CHSY3: variants seen among roughly 807,000 people sequenced by gnomAD.
CHSY3 encodes the protein chondroitin sulfate synthase 3, also known as N-acetylgalactosaminyl-proteoglycan 3-beta-glucuronosyltransferase 3.
CHSY3 carries 35 observed loss-of-function variants against 67.2 expected under a neutral mutation model. The observed-to-expected ratio is 0.52, with a 90% CI of 0.40 to 0.69. CHSY3 has a LOEUF of 0.69. Among genes scored for constraint, CHSY3 ranks in the 30% least tolerant of loss-of-function variants. The pLI is 0.00. For missense variants in CHSY3, 1,069 were observed against 1,138.5 expected, an observed-to-expected ratio of 0.94 and a Z score of 0.88; for synonymous variants, 474 against 434.7, an observed-to-expected ratio of 1.09 and a Z score of -1.12.
chr5:129,983,020 A>G (rs978965615), intron 2 of CHSY3, among the ~76,000 whole-genome samples: 28 of 152,232 alleles, frequency 1.8e-4, no homozygotes, highest in African/African-American at 6.7e-4. Context: ...ATATTTTATA[A>G]TTAAGCTAAC....
At chr5:130,089,063 T>C (rs1200947936) in intron 2 of CHSY3, among the ~76,000 whole-genome samples, 1 of 151,896 alleles carries the variant, frequency 6.6e-6, no homozygotes, top group Non-Finnish European at 1.5e-5. Context: ...TGAGCTCATG[T>C]CCTTTGTAGG....
chr5:130,124,016 G>C (rs530764162), intron 2 of CHSY3, among the ~76,000 whole-genome samples: 1 of 134,274 alleles, frequency 7.4e-6, no homozygotes, highest in South Asian at 2.6e-4. Context: ...CTCCAGCCTG[G>C]GTGACAGAGC....
intron 2 of CHSY3, among the ~76,000 whole-genome samples, chr5:130,143,462 C>T (rs78016319): frequency 0.045 from 6,840 of 151,780 alleles, 417 homozygotes; most frequent in East Asian, 0.27. Flanking sequence ...TTGTATCTGG[C>T]TTCTTTCACT....
intron 2 of CHSY3, among the ~76,000 whole-genome samples, chr5:129,916,779 T>C (rs1760742505): frequency 6.6e-6 from 1 of 152,168 alleles, no homozygotes; most frequent in Non-Finnish European, 1.5e-5. Context: ...CTTCCTTGTC[T>C]TCATGGAGTG....
intron 2 of CHSY3, among the ~76,000 whole-genome samples, chr5:130,155,485 TCAAA>T (rs983379290): frequency 6.6e-6 from 1 of 152,208 alleles, no homozygotes; most frequent in Non-Finnish European, 1.5e-5. Flanking sequence ...ACCTTCCACT[TCAAA>T]CTAGAAACGT....
At chr5:129,912,254 T>C (rs1760587787) in intron 2 of CHSY3, among the ~76,000 whole-genome samples, 1 of 152,156 alleles carries the variant, frequency 6.6e-6, no homozygotes, top group South Asian at 2.1e-4. Context: ...CCCAAACAGA[T>C]CTACATAAGG....
chr5:130,101,788 A>G (rs1204731533), intron 2 of CHSY3, among the ~76,000 whole-genome samples: 2 of 152,142 alleles, frequency 1.3e-5, no homozygotes, highest in East Asian at 3.9e-4. Context: ...TGATTCCAAA[A>G]AATTTCTTTC....
In CHSY3 at chr5:130,013,174, G is replaced by T. The variant is rs1580648300; in HGVS notation, c.1086+104814G>T. On this transcript the variant is annotated intron_variant, in intron 2 of 2. Coordinates refer to ENST00000305031, the MANE Select transcript of CHSY3 (RefSeq NM_175856.5). ...AGAGGTGGGCTCCCATGGTCTTGGA[G>T]ACCTCCACCTTTGTGGCTTTGCAGG... Among the ~76,000 whole-genome samples the T allele has an allele frequency of 2.0e-5, 3 of 152,268 alleles. 1 individual carries two copies. In the South Asian group the frequency reaches 6.2e-4, roughly 32 times the overall value.
At chr5:129,991,063 A>C (rs186174910) in intron 2 of CHSY3, among the ~76,000 whole-genome samples, 3 of 152,278 alleles carry the variant, frequency 2.0e-5, no homozygotes, top group African/African-American at 7.2e-5. Context: ...CAGAAAGTAG[A>C]TCATTAGAAC....
At chr5:129,908,540 G>C (rs971061036) in intron 2 of CHSY3, among the ~76,000 whole-genome samples, 180 bp downstream of exon 2, 3 of 152,152 alleles carry the variant, frequency 2.0e-5, no homozygotes, top group African/African-American at 7.2e-5. Flanking sequence ...AGGCCTGTCT[G>C]AGACTTTGTT....
At chr5:129,960,654 T>C (rs73241720) in intron 2 of CHSY3, among the ~76,000 whole-genome samples, 2,441 of 152,160 alleles carry the variant, frequency 0.016, 65 homozygotes, top group African/African-American at 0.055. Context: ...TCTCTGATAA[T>C]TTGGTAAATA....
At chr5:130,127,548 A>G (rs529317807) in intron 2 of CHSY3, among the ~76,000 whole-genome samples, 23 of 152,190 alleles carry the variant, frequency 1.5e-4, no homozygotes, top group Non-Finnish European at 2.8e-4. Context: ...CTCAGTTATG[A>G]TCTGATAGCA....
At chr5:130,169,586 C>A (rs1199561103) in intron 2 of CHSY3, among the ~76,000 whole-genome samples, 1 of 151,734 alleles carries the variant, frequency 6.6e-6, no homozygotes, top group African/African-American at 2.4e-5. Flanking sequence ...TTTTAATGCT[C>A]TCTAACATTA....
At chr5:130,139,833 A>G (rs1443855621) in intron 2 of CHSY3, among the ~76,000 whole-genome samples, 3 of 152,226 alleles carry the variant, frequency 2.0e-5, no homozygotes, top group Admixed American at 6.5e-5. Context: ...TTTGTTAACA[A>G]TAGCTTACCT....
At chr5:129,910,812 TCCA>T (rs1376838490) in intron 2 of CHSY3, among the ~76,000 whole-genome samples, 1 of 152,042 alleles carries the variant, frequency 6.6e-6, no homozygotes. Flanking sequence ...TCTATTCTAC[TCCA>T]GGTTGGCATT....
chr5:129,932,448 A>C (rs754599808), intron 2 of CHSY3, among the ~76,000 whole-genome samples: 2 of 152,132 alleles, frequency 1.3e-5, no homozygotes, highest in Non-Finnish European at 2.9e-5. Context: ...TATGTCTTTG[A>C]AAATACATTT....
intron 2 of CHSY3, among the ~76,000 whole-genome samples, chr5:130,064,407 G>C (rs1403984380): frequency 6.6e-6 from 1 of 152,100 alleles, no homozygotes; most frequent in Non-Finnish European, 1.5e-5. Flanking sequence ...AAGGACTAGA[G>C]ATAGTTCTAT....
At chr5:130,118,483 G>A (rs1767895357) in intron 2 of CHSY3, among the ~76,000 whole-genome samples, 1 of 148,294 alleles carries the variant, frequency 6.7e-6, no homozygotes, top group Non-Finnish European at 1.5e-5. Context: ...TATATATAAT[G>A]TATATATGTG....
At chr5:130,157,528 A>G (rs181326885) in intron 2 of CHSY3, among the ~76,000 whole-genome samples, 178 of 152,324 alleles carry the variant, frequency 1.2e-3, no homozygotes, top group Middle Eastern at 0.01. Context: ...AGTCGCTAAG[A>G]TTTAAAGGAC....
Sources: allele counts gnomAD v4.1 joint callset (sites outside exome capture counted in the v4.1 genomes callset), GRCh38; gene constraint gnomAD v4.1.1; transcripts MANE v1.5; gene names NCBI Gene and HGNC (gene_info 2026-07-23, HGNC 2026-07-21).